Variants in DAB1 observed in about 807,000 individuals in gnomAD.
DAB1 encodes DAB adaptor protein 1.
DAB1 carries 15 observed loss-of-function variants against 64.6 expected under a neutral mutation model. That is an observed-to-expected ratio of 0.23 (90% confidence interval 0.16 to 0.36). The LOEUF is 0.36. Among genes scored for constraint, DAB1 ranks in the 10% least tolerant of loss-of-function variants. The pLI, the probability that DAB1 is intolerant of heterozygous loss-of-function variation, is 1.00. For missense variants in DAB1, 596 were observed against 706.7 expected (o/e 0.84, Z 1.78); for synonymous variants, 235 against 251.9 (o/e 0.93, Z 0.64).
chr1:58,013,949 A>T (rs1646705188), intron 5 of DAB1, among the ~76,000 whole-genome samples: 1 of 149,306 alleles, frequency 6.7e-6, no homozygotes, highest in Admixed American at 6.7e-5. Flanking sequence ...CCAGCACACC[A>T]CTGGTAATAA....
chr1:58,492,302 A>G (rs1645710293), intron 3 of DAB1, among the ~76,000 whole-genome samples: 1 of 152,206 alleles, frequency 6.6e-6, no homozygotes, highest in Non-Finnish European at 1.5e-5. Context: ...AATGCTCACA[A>G]AAGAAAGCAG....
At chr1:58,439,122 CTT>C (rs1344261335) in intron 3 of DAB1, among the ~76,000 whole-genome samples, 1 of 141,724 alleles carries the variant, frequency 7.1e-6, no homozygotes, top group East Asian at 2.1e-4. Flanking sequence ...CCTCACCAAA[CTT>C]TTCAATATTT....
At chr1:57,785,946 T>G (rs535737743) in intron 6 of DAB1, among the ~76,000 whole-genome samples, 44 of 152,234 alleles carry the variant, frequency 2.9e-4, no homozygotes, top group Middle Eastern at 3.4e-3. Context: ...AAGAGTCAAT[T>G]GATGCAGCAA....
intron 7 of DAB1, among the ~76,000 whole-genome samples, chr1:57,569,057 G>C (rs1482076410): frequency 1.3e-5 from 2 of 151,100 alleles, no homozygotes; most frequent in Non-Finnish European, 3.0e-5. Context: ...AGGAGATCGA[G>C]ACCATCCTGG....
chr1:57,118,512 C>T (rs1040898000), intron 4 of DAB1, among the ~76,000 whole-genome samples: 1 of 152,106 alleles, frequency 6.6e-6, no homozygotes. Flanking sequence ...TAGCTCCTGC[C>T]TTCTATGCTA....
At chr1:58,041,042 T>G (rs1409045358) in intron 5 of DAB1, among the ~76,000 whole-genome samples, 2 of 152,234 alleles carry the variant, frequency 1.3e-5, no homozygotes, top group Non-Finnish European at 2.9e-5. Flanking sequence ...GGTCTCTAGC[T>G]CTGCATCTTT....
intron 3 of DAB1, among the ~76,000 whole-genome samples, chr1:58,467,284 T>G (rs1645306637): frequency 6.6e-6 from 1 of 152,224 alleles, no homozygotes; most frequent in African/African-American, 2.4e-5. Context: ...GGACCCCAGC[T>G]GCCCCACTGC....
At chr1:57,254,475 G>C (rs1406457924) in intron 2 of DAB1, among the ~76,000 whole-genome samples, 3 of 152,198 alleles carry the variant, frequency 2.0e-5, no homozygotes, top group African/African-American at 7.2e-5. Flanking sequence ...AGAAATCATT[G>C]CTCTTGCTAG....
At chr1:57,207,600 C>T (rs1370531737) in intron 2 of DAB1, among the ~76,000 whole-genome samples, 2 of 148,470 alleles carry the variant, frequency 1.3e-5, no homozygotes, top group East Asian at 2.0e-4. Flanking sequence ...CCCGCCACTA[C>T]GCCCAGCTAA....
intron 5 of DAB1, among the ~76,000 whole-genome samples, chr1:57,917,440 T>C (rs1419428990): frequency 6.6e-6 from 1 of 152,206 alleles, no homozygotes; most frequent in Non-Finnish European, 1.5e-5. Flanking sequence ...CCCATATCAT[T>C]GTAATGAAGG....
chr1:57,785,307 C>T (rs924700274), intron 6 of DAB1, among the ~76,000 whole-genome samples: 1 of 152,138 alleles, frequency 6.6e-6, no homozygotes, highest in African/African-American at 2.4e-5. Context: ...AATATAACAT[C>T]CATTCTGCAG....
At chr1:58,158,871 C>G (rs1655361271) in intron 4 of DAB1, among the ~76,000 whole-genome samples, 1 of 152,216 alleles carries the variant, frequency 6.6e-6, no homozygotes, top group Non-Finnish European at 1.5e-5. Flanking sequence ...CACACATACA[C>G]ATGCACACAA....
chr1:57,842,417 C>G (rs148879639), intron 1 of DAB1, among the ~76,000 whole-genome samples: 1 of 152,162 alleles, frequency 6.6e-6, no homozygotes, highest in African/African-American at 2.4e-5. Flanking sequence ...GTCACTTCCA[C>G]ATTTTCAAGT....
At chr1:57,159,245 T>C (rs1660514916) in intron 2 of DAB1, among the ~76,000 whole-genome samples, 1 of 152,184 alleles carries the variant, frequency 6.6e-6, no homozygotes, top group Non-Finnish European at 1.5e-5. Flanking sequence ...ACATTATTAA[T>C]AAATTCTTAA....
chr1:58,192,528 G>A (rs1224579722), intron 4 of DAB1, among the ~76,000 whole-genome samples: 2 of 152,018 alleles, frequency 1.3e-5, no homozygotes, highest in Non-Finnish European at 2.9e-5. Context: ...TTGATTTTCT[G>A]TTCCTGAGTT....
At chr1:58,428,996 G>A (rs1644845683) in intron 3 of DAB1, among the ~76,000 whole-genome samples, 1 of 152,218 alleles carries the variant, frequency 6.6e-6, no homozygotes, top group African/African-American at 2.4e-5. Flanking sequence ...TGATCTGGGT[G>A]ATGGTTACAT....
At chr1:57,046,111 C>A (rs1044868952) in intron 9 of DAB1, among the ~76,000 whole-genome samples, 1 of 152,190 alleles carries the variant, frequency 6.6e-6, no homozygotes, top group African/African-American at 2.4e-5. Flanking sequence ...GCTGGGGGAA[C>A]TTTGTAAATC....
intron 9 of DAB1, among the ~76,000 whole-genome samples, chr1:57,057,618 T>G (rs1355028239): frequency 1.3e-5 from 2 of 151,210 alleles, no homozygotes. Flanking sequence ...CTTTTTTTTT[T>G]TTTTTTGGAG....
Position 58,233,425 on chromosome 1 carries a change from G to A in DAB1, n.310-82837C>T, listed in dbSNP as rs935234610. On this transcript the variant is annotated intron_variant and non_coding_transcript_variant, in intron 4 of 20. Coordinates refer to the DAB1 transcript ENST00000485760. Reference sequence around the variant, plus strand: ...AACCCAGGTCTGCTTGCTCCCCAGGGCCCTCCGATCACCATATGGAGCCCC... The same window carrying A: ...AACCCAGGTCTGCTTGCTCCCCAGGACCCTCCGATCACCATATGGAGCCCC... Among the ~76,000 whole-genome samples the A allele has an allele frequency of 4.6e-5, 7 of 152,068 alleles. No individual in the cohort carries two copies. In the East Asian group the frequency reaches 1.4e-3, roughly 29 times the overall value.
Sources: allele counts gnomAD v4.1 joint callset (sites outside exome capture counted in the v4.1 genomes callset), GRCh38; gene constraint gnomAD v4.1.1; transcripts MANE v1.5; gene names NCBI Gene and HGNC (gene_info 2026-07-23, HGNC 2026-07-21).